The following CLASP1 variants were observed in gnomAD, a reference collection of about 807,000 sequenced individuals.
The protein encoded by CLASP1 is CLIP-associating protein 1.
CLASP1 carries 38 observed loss-of-function variants against 192.3 expected under a neutral mutation model. The observed-to-expected ratio is 0.20, with a 90% CI of 0.15 to 0.26. The LOEUF is 0.26. Among genes scored for constraint, CLASP1 ranks in the 10% least tolerant of loss-of-function variants. The probability of loss-of-function intolerance (pLI) is 1.00; values close to 1 mark genes in which losing one functional copy is unlikely to be tolerated. For synonymous variants in CLASP1, 691 were observed against 712.8 expected, an observed-to-expected ratio of 0.97 and a Z score of 0.49; for missense variants, 1,433 against 1,932.5, an observed-to-expected ratio of 0.74 and a Z score of 4.85.
At chr2:121,606,261 A>G (rs539072403) in intron 1 of CLASP1, 81 bp from the exon 2 acceptor site, 18 of 361,710 alleles carry the variant, frequency 5.0e-5, no homozygotes, top group African/African-American at 3.7e-4. Context: ...ATCAAAGACA[A>G]AGCAATTCAT....
At chr2:121,435,708 C>G (rs1172376549) in intron 19 of CLASP1, among the ~76,000 whole-genome samples, 2 of 152,140 alleles carry the variant, frequency 1.3e-5, no homozygotes, top group South Asian at 4.1e-4. Flanking sequence ...AAAAACGCAG[C>G]CATTAAATCA....
chr2:121,479,546 T>C (rs948899427), intron 8 of CLASP1, among the ~76,000 whole-genome samples: 1 of 152,204 alleles, frequency 6.6e-6, no homozygotes, highest in African/African-American at 2.4e-5. Flanking sequence ...ATCCAAACTA[T>C]ATTCCTTGCC....
chr2:121,391,259 C>T (rs1032976912), intron 30 of CLASP1, among the ~76,000 whole-genome samples: 1 of 152,184 alleles, frequency 6.6e-6, no homozygotes, highest in Admixed American at 6.5e-5. Flanking sequence ...CTGTTTACAA[C>T]TTTCTTCCAA....
intron 5 of CLASP1, 82 bp from the exon 6 acceptor site, chr2:121,526,002 C>T: frequency 1.1e-6 from 1 of 925,364 alleles, no homozygotes; most frequent in Non-Finnish European, 1.7e-6. Flanking sequence ...CCTGCCCTTC[C>T]CGTGTCTCCC....
At chr2:121,644,354 A>C (rs2072722810) in intron 1 of CLASP1, among the ~76,000 whole-genome samples, 2 of 152,032 alleles carry the variant, frequency 1.3e-5, no homozygotes, top group South Asian at 4.1e-4. Flanking sequence ...ACATTAAAAA[A>C]AAAAAAAAAC....
intron 1 of CLASP1, among the ~76,000 whole-genome samples, chr2:121,639,863 CAAA>C (rs34338582): frequency 6.4e-5 from 4 of 62,388 alleles, no homozygotes; most frequent in Admixed American, 1.8e-4. Context: ...AACTCCATCT[CAAA>C]AAAAAAAAAA....
chr2:121,637,864 C>G (rs188410641), intron 1 of CLASP1, among the ~76,000 whole-genome samples: 1 of 149,784 alleles, frequency 6.7e-6, no homozygotes, highest in Non-Finnish European at 1.5e-5. Flanking sequence ...CTAGCCTGGG[C>G]GACAGAGTGA....
intron 1 of CLASP1, among the ~76,000 whole-genome samples, chr2:121,643,033 G>A (rs1411902255): frequency 6.6e-6 from 1 of 152,142 alleles, no homozygotes; most frequent in Non-Finnish European, 1.5e-5. Flanking sequence ...TCTGCCTGGA[G>A]AGTTAATTGG....
chr2:121,637,298 C>CA (rs1354262495), intron 1 of CLASP1, among the ~76,000 whole-genome samples: 1 of 151,774 alleles, frequency 6.6e-6, no homozygotes, highest in Non-Finnish European at 1.5e-5. Flanking sequence ...AAAATGAAGT[C>CA]AAAAACCCAA....
At chr2:121,451,849 C>T (rs1379466440) in exon 15 of CLASP1, 6 of 1,559,744 alleles carry the variant, frequency 3.8e-6, no homozygotes, top group Middle Eastern at 1.7e-4. Context: ...CAAAACAGCG[C>T]CTAAAAAGTA....
rs374299350 is a variant in CLASP1 at position 121,530,909 on chromosome 2, G to C, written c.196-584C>G. 4.3e-6 allele frequency: 3 copies of C among 699,036 alleles called. No individual in the cohort carries two copies. Among genetic ancestry groups the C allele is most frequent in the South Asian group, 3.0e-5 (2 of 67,466 alleles). 43.3% of individuals were successfully genotyped at this position (699,036 alleles called of 1,614,324 possible). On this transcript the variant is annotated intron_variant, in intron 2 of 39. Transcript: ENST00000263710. ...ATCCTTTTCTTGGGGTTGCGCTACT[G>C]TCCAATGAGCGCATAGTGAGGGCAG...
intron 1 of CLASP1, among the ~76,000 whole-genome samples, chr2:121,610,784 A>AGGTGG (rs2065250300): frequency 7.5e-6 from 1 of 133,702 alleles, no homozygotes; most frequent in South Asian, 2.5e-4. Context: ...GAGGAGGAGG[A>AGGTGG]AGAGTTACAG....
intron 2 of CLASP1, among the ~76,000 whole-genome samples, chr2:121,594,951 A>G (rs2062953583): frequency 6.6e-6 from 1 of 152,180 alleles, no homozygotes; most frequent in South Asian, 2.1e-4. Context: ...ATATTTTCCA[A>G]AATAAAAAGT....
At chr2:121,560,315 TG>T (rs1490449523) in intron 2 of CLASP1, among the ~76,000 whole-genome samples, 1 of 152,234 alleles carries the variant, frequency 6.6e-6, no homozygotes, top group Non-Finnish European at 1.5e-5. Flanking sequence ...CAGAATAGTA[TG>T]ACTGCATTTC....
At chr2:121,379,166 G>A (rs987935178) in intron 33 of CLASP1, among the ~76,000 whole-genome samples, 1 of 149,916 alleles carries the variant, frequency 6.7e-6, no homozygotes, top group Non-Finnish European at 1.5e-5. Context: ...TGCAAATATG[G>A]CCCAGATAAA....
intron 1 of CLASP1, among the ~76,000 whole-genome samples, chr2:121,628,236 C>T (rs1041130154): frequency 1.3e-5 from 2 of 152,190 alleles, no homozygotes; most frequent in African/African-American, 2.4e-5. Flanking sequence ...CTACATACAG[C>T]AGCTCGGTTT....
At chr2:121,606,555 A>G (rs1406994094) in intron 1 of CLASP1, among the ~76,000 whole-genome samples, 2 of 152,224 alleles carry the variant, frequency 1.3e-5, no homozygotes, top group Admixed American at 1.3e-4. Context: ...CACTGTAGGT[A>G]CTGCAGCTTA....
In CLASP1 at chr2:121,587,002, G is replaced by A. The variant is rs532170017; in HGVS notation, c.195+18699C>T. On this transcript the variant is annotated intron_variant, in intron 2 of 39. Coordinates refer to ENST00000263710, the Ensembl canonical transcript of CLASP1. The stretch of plus-strand genomic sequence containing the variant: ...TCACACCTGTAATCCCAACACTTTG[G>A]GAGGCCGAGGCGGGCGGATCACAAA... Among the ~76,000 whole-genome samples, 9 of 152,282 alleles carry A rather than the reference G, an allele frequency of 5.9e-5. No homozygotes were observed. The South Asian group carries it at 6.2e-4, about 11-fold the overall frequency.
At chr2:121,338,481 T>C (rs1360043173) in exon 40 of CLASP1, 1 of 152,252 alleles carries the variant, frequency 6.6e-6, no homozygotes, top group Non-Finnish European at 1.5e-5. Context: ...GGTGCTCTGC[T>C]CTTTTGTGTT....
Sources: allele counts gnomAD v4.1 joint callset (sites outside exome capture counted in the v4.1 genomes callset), GRCh38; gene constraint gnomAD v4.1.1; transcripts MANE v1.5; gene names NCBI Gene and HGNC (gene_info 2026-07-23, HGNC 2026-07-21).